The following SV2B variants were observed in gnomAD, a reference collection of about 807,000 sequenced individuals.
SV2B encodes the protein synaptic vesicle glycoprotein 2B.
Under a neutral mutation model 73.9 loss-of-function variants are expected in SV2B, and 41 were observed. That is an observed-to-expected ratio of 0.56 (90% CI 0.43 to 0.72). SV2B has a LOEUF of 0.72. Ranked by LOEUF, SV2B falls within the 30% of genes least tolerant of loss-of-function variation. SV2B has a pLI of 0.00. For synonymous variants in SV2B, 314 were observed against 314.2 expected (o/e 1.00, Z 0.01); for missense variants, 764 against 857.8 (o/e 0.89, Z 1.37).
At chr15:91,176,143 G>A (rs1380835636) in intron 1 of SV2B, among the ~76,000 whole-genome samples, 2 of 150,768 alleles carry the variant, frequency 1.3e-5, no homozygotes, top group Admixed American at 1.3e-4. Context: ...TGCGGTGTTT[G>A]GTTTTTTGTC....
At chr15:91,177,299 G>A (rs1214458812) in intron 1 of SV2B, among the ~76,000 whole-genome samples, 1 of 151,852 alleles carries the variant, frequency 6.6e-6, no homozygotes, top group Non-Finnish European at 1.5e-5. Flanking sequence ...CTGTAGCCTT[G>A]TAGTATAGTT....
intron 1 of SV2B, among the ~76,000 whole-genome samples, chr15:91,158,702 TCCTCTCCTCTCCTCTCC>T (rs2043593303): frequency 1.7e-4 from 10 of 59,612 alleles, no homozygotes; most frequent in African/African-American, 5.3e-4. Flanking sequence ...TTCTCTTCTC[TCCTCTCCTCTCCTCTCC>T]TCTCCTCTCT....
Position 91,226,443 on chromosome 15 carries a change from G to A in SV2B, c.180G>A (p.Lys60=). The stretch of plus-strand genomic sequence containing the variant: ...GTATCCCTCACCCAGATGATGTCAA[G>A]GCCAAGCAGGCCAAGATGGCGCCCT... ...YQGIPHPDDV[K]AKQAKMAPSR... Residue 60 remains lysine (K), a synonymous_variant, in exon 2 of 13, where the codon AAG becomes AAA. Coordinates refer to ENST00000394232, the MANE Select transcript of SV2B (RefSeq NM_001323032.3). The A allele has an allele frequency of 6.2e-7, 1 of 1,614,170 alleles. No homozygotes were observed. Among genetic ancestry groups the A allele is most frequent in the Non-Finnish European group, 8.5e-7 (1 of 1,180,014 alleles).
chr15:91,225,810 A>G, intron 1 of SV2B, 63 bp from the exon 2 acceptor site: 1 of 170,002 alleles, frequency 5.9e-6, no homozygotes, highest in Non-Finnish European at 1.2e-5. Context: ...CTTAATTCTG[A>G]GAGTATTTTG....
chr15:91,158,895 C>G (rs775485841), intron 1 of SV2B, among the ~76,000 whole-genome samples: 4 of 151,526 alleles, frequency 2.6e-5, no homozygotes, highest in Non-Finnish European at 5.9e-5. Flanking sequence ...AGAGGGGTAA[C>G]TTTTCTAACC....
intron 1 of SV2B, among the ~76,000 whole-genome samples, chr15:91,103,433 G>A (rs1337627715): frequency 3.9e-5 from 6 of 152,142 alleles, no homozygotes; most frequent in Non-Finnish European, 5.9e-5. Flanking sequence ...AATGAGAAGA[G>A]TTTCTATGAT....
intron 1 of SV2B, among the ~76,000 whole-genome samples, chr15:91,158,670 T>TCTTCCCTTCC (rs2043581583): frequency 1.7e-5 from 1 of 59,678 alleles, no homozygotes; most frequent in African/African-American, 6.7e-5. Flanking sequence ...TCTTCTCTTC[T>TCTTCCCTTCC]CTTCTCTTCT....
In SV2B at chr15:91,289,639, T is replaced by C; in HGVS notation, c.1827T>C (p.Ala609=). ...GGACAAGCATTGCAGCCTGGAATGCTCTGGATGTGATCACAGTGGAGCTGT... is the reference window on the plus strand; with the variant it reads ...GGACAAGCATTGCAGCCTGGAATGCCCTGGATGTGATCACAGTGGAGCTGT... ...FCGTSIAAWN[A]LDVITVELYP... is the part of the protein sequence containing the mutation. Residue 609 remains alanine, a synonymous_variant, in exon 12 of 13, where the codon GCT becomes GCC. Transcript: ENST00000394232. The surrounding 1 kb of genome is among the most constrained non-coding windows in gnomAD (Gnocchi z 4.9). The C allele has an allele frequency of 6.2e-7, 1 of 1,614,052 alleles. No homozygotes were observed. The highest frequency in any genetic ancestry group is 1.7e-4 in the Middle Eastern group (1 of 5,940).
chr15:91,268,493 GA>G lies in SV2B; in HGVS notation c.1263del (p.Glu422AsnfsTer6). The G allele has an allele frequency of 6.2e-7, 1 of 1,614,130 alleles. No individual in the cohort carries two copies. Among genetic ancestry groups the G allele is most frequent in the South Asian group, 1.1e-5 (1 of 91,084 alleles). On this transcript the variant is annotated frameshift_variant, in exon 9 of 13. Transcript: ENST00000394232. LOFTEE classifies it high-confidence loss of function. This position sits in a 1 kb window ranked among gnomAD's most constrained non-coding sequence, Gnocchi z 4.4. ...FPDMIRYFQD[E>X]EYKSKMKVFF... The stretch of plus-strand genomic sequence containing the variant: ...TGATATGATCCGCTATTTTCAAGAT[GA>G]AGAATACAAGTCTAAAATGAAGGTG...
chr15:91,248,229 G>A (rs1007192007), intron 2 of SV2B, among the ~76,000 whole-genome samples: 9 of 152,280 alleles, frequency 5.9e-5, no homozygotes, highest in African/African-American at 1.9e-4. Flanking sequence ...GCTGAGGCAG[G>A]AGGATGGCGT....
At chr15:91,170,240 T>A (rs2044075222) in intron 1 of SV2B, among the ~76,000 whole-genome samples, 1 of 152,180 alleles carries the variant, frequency 6.6e-6, no homozygotes, top group South Asian at 2.1e-4. Flanking sequence ...CGAATTTTTT[T>A]AGATTACCTC....
rs758518916 is a variant in SV2B, at chr15:91,268,412, G to T, written c.1209-29G>T. 3.1e-6 allele frequency: 5 copies of T among 1,596,926 alleles called. No individual in the cohort carries two copies. In the South Asian group the frequency reaches 4.5e-5, roughly 14 times the overall value. On this transcript the variant is annotated intron_variant, in intron 8 of 12. Coordinates refer to ENST00000394232, the MANE Select transcript of SV2B (RefSeq NM_001323032.3). This position sits in a 1 kb window ranked among gnomAD's most constrained non-coding sequence, Gnocchi z 4.4. ...TCATGAAAGAATGAATCCTGTTGTT[G>T]TTGCAACCTTCTGCCTTCTCCACTC...
rs138466038 is a variant in SV2B at position 91,140,289 on chromosome 15, G to A, written c.-392+39926G>A. Reference sequence around the variant, plus strand: ...AGCCTTGACATTTTAACAGTACCAGGTAATTCTATAAATAAAGTCTAATAA... The same window carrying A: ...AGCCTTGACATTTTAACAGTACCAGATAATTCTATAAATAAAGTCTAATAA... On this transcript the variant is annotated intron_variant, in intron 1 of 12. Transcript: ENST00000394232. The surrounding 1 kb of genome is among the most constrained non-coding windows in gnomAD (Gnocchi z 4.4). Among the ~76,000 whole-genome samples, 2 of 152,246 alleles carry A rather than the reference G, an allele frequency of 1.3e-5. No individual in the cohort carries two copies. The highest frequency in any genetic ancestry group is 1.9e-4 in the East Asian group (1 of 5,184).
At position 91,302,071 on chromosome 15, in the gene SV2B, C is replaced by G. The variant is rs1596837699; in HGVS notation, c.*9519C>G. ...AATATTAACCAAATTATTATAGACA[C>G]CATCTTAATGTAGAGGATCCCACAA... On this transcript the variant is annotated 3_prime_UTR_variant, in exon 13 of 13. Transcript: ENST00000394232. Among the ~76,000 whole-genome samples the G allele has an allele frequency of 6.6e-6, 1 of 152,192 alleles. No individual in the cohort carries two copies. The highest frequency in any genetic ancestry group is 2.1e-4 in the South Asian group (1 of 4,830).
rs8034482 is a variant in SV2B at position 91,229,496 on chromosome 15, C to T, written c.451+2782C>T. On this transcript the variant is annotated intron_variant, in intron 2 of 12. Transcript: ENST00000394232. This position sits in a 1 kb window ranked among gnomAD's most constrained non-coding sequence, Gnocchi z 4.3. ...TAGCTGCAGTGAGATGACGAAGCAA[C>T]GTGGCCCTGGAGCCAGTTGCTTGGA... Among the ~76,000 whole-genome samples the T allele has an allele frequency of 0.33, 50,642 of 152,098 alleles. 12,820 individuals carry two copies. Among genetic ancestry groups the T allele is most frequent in the African/African-American group, 0.71 (29,623 of 41,460 alleles).
rs1420002028 is a variant in SV2B at position 91,298,341 on chromosome 15, A to G, written c.*5789A>G. ...TGTGTCGCATTTAGGCCCAGCTCTA[A>G]GAACCGTTTGGAAATAAATCACATA... On this transcript the variant is annotated 3_prime_UTR_variant, in exon 13 of 13. Coordinates refer to ENST00000394232, the MANE Select transcript of SV2B (RefSeq NM_001323032.3). The surrounding 1 kb of genome is among the most constrained non-coding windows in gnomAD (Gnocchi z 5.4). 1 of 152,228 alleles carries G rather than the reference A, an allele frequency of 6.6e-6. No individual in the cohort carries two copies. Among genetic ancestry groups the G allele is most frequent in the African/African-American group, 2.4e-5 (1 of 41,454 alleles). The allele number at this position is 152,228 out of a possible 1,614,324, so 9.4% of individuals were successfully genotyped here.
rs2047035698 is a variant in SV2B at position 91,242,000 on chromosome 15, C to T, written c.452-9819C>T. On this transcript the variant is annotated intron_variant, in intron 2 of 12. Coordinates refer to ENST00000394232, the MANE Select transcript of SV2B (RefSeq NM_001323032.3). This position sits in a 1 kb window ranked among gnomAD's most constrained non-coding sequence, Gnocchi z 4.8. ...TCTTTAAGCAGGAGTTAATCCTCGC[C>T]TCTTCAGAAACCTGCTCTTGTCTAG... 7.2e-6 allele frequency among the ~76,000 whole-genome samples: 1 copy of T among 139,780 alleles called. No individual in the cohort carries two copies. Among genetic ancestry groups the T allele is most frequent in the Non-Finnish European group, 1.5e-5 (1 of 66,606 alleles). The allele number at this position is 139,780 out of a possible 152,430, so 91.7% of individuals were successfully genotyped here.
In SV2B at chr15:91,240,486, T is replaced by C. The variant is rs1161172569; in HGVS notation, c.452-11333T>C. 6.6e-6 allele frequency among the ~76,000 whole-genome samples: 1 copy of C among 152,088 alleles called. No individual in the cohort carries two copies. Among genetic ancestry groups the C allele is most frequent in the Admixed American group, 6.5e-5 (1 of 15,278 alleles). On this transcript the variant is annotated intron_variant, in intron 2 of 12. Transcript: ENST00000394232. The surrounding 1 kb of genome is among the most constrained non-coding windows in gnomAD (Gnocchi z 4.6). ...CTGATGAACAAGAGGTGTTAGTCCC[T>C]CCTGTCCTGTCATGGAGCCAACATT...
Position 91,193,973 on chromosome 15 carries a change from A to T in SV2B, c.-391-31900A>T, listed in dbSNP as rs527657498. 2.2e-4 allele frequency among the ~76,000 whole-genome samples: 33 copies of T among 152,102 alleles called. 1 individual carries two copies. In the South Asian group the frequency reaches 6.8e-3, roughly 32 times the overall value. On this transcript the variant is annotated intron_variant, in intron 1 of 12. Coordinates refer to ENST00000394232, the MANE Select transcript of SV2B (RefSeq NM_001323032.3). Reference sequence around the variant, plus strand: ...AATTGCAAACCTGTTTCTGTTTGCTAGGTAATCACCAGGGTATAGAGGTTT... The same window carrying T: ...AATTGCAAACCTGTTTCTGTTTGCTTGGTAATCACCAGGGTATAGAGGTTT...
Sources: allele counts gnomAD v4.1 joint callset (sites outside exome capture counted in the v4.1 genomes callset), GRCh38; gene constraint gnomAD v4.1.1; non-coding constraint Gnocchi (gnomAD v3.1); transcripts MANE v1.5; gene names NCBI Gene and HGNC (gene_info 2026-07-23, HGNC 2026-07-21).